PCDH15: variants seen among roughly 807,000 people sequenced by gnomAD.
PCDH15 encodes the protein protocadherin related 15, also known as protocadherin-15.
In PCDH15, 129 loss-of-function variants were observed where a neutral mutation model predicts 178.5. The observed-to-expected ratio is 0.72, with a 90% CI of 0.63 to 0.84. The LOEUF is 0.84. Among genes scored for constraint, PCDH15 ranks in the 40% least tolerant of loss-of-function variants. The probability of loss-of-function intolerance (pLI) is 0.00; values close to 1 mark genes in which losing one functional copy is unlikely to be tolerated. For synonymous variants in PCDH15, 800 were observed against 732.0 expected (o/e 1.09, Z -1.50); for missense variants, 2,230 against 2,099.9 (o/e 1.06, Z -1.21).
At chr10:53,817,198 T>C (rs1588904019) in intron 34 of PCDH15, among the ~76,000 whole-genome samples, 1 of 152,164 alleles carries the variant, frequency 6.6e-6, no homozygotes, top group East Asian at 1.9e-4. Context: ...AATTCTAAAC[T>C]ACAATCCAAT....
At chr10:54,144,973 T>C (rs1000798011) in intron 14 of PCDH15, among the ~76,000 whole-genome samples, 6 of 152,242 alleles carry the variant, frequency 3.9e-5, no homozygotes, top group Middle Eastern at 3.4e-3. Context: ...TGTGTGAATA[T>C]AAAACATTTT....
chr10:55,587,390 T>C (rs758202037), intron 2 of PCDH15, among the ~76,000 whole-genome samples: 3 of 149,658 alleles, frequency 2.0e-5, no homozygotes, highest in Non-Finnish European at 4.4e-5. Context: ...ATTTGCTGTG[T>C]TCAGTATTAT....
At chr10:54,382,124 T>C (rs1340452459) in intron 3 of PCDH15, among the ~76,000 whole-genome samples, 1 of 152,160 alleles carries the variant, frequency 6.6e-6, no homozygotes, top group East Asian at 1.9e-4. Flanking sequence ...TCTTGGCTGG[T>C]CAATCTTTTA....
At chr10:54,829,466 C>A (rs1241575168) in intron 3 of PCDH15, among the ~76,000 whole-genome samples, 1 of 151,920 alleles carries the variant, frequency 6.6e-6, no homozygotes, top group African/African-American at 2.4e-5. Context: ...AAGAAACCAC[C>A]CCTACAATAC....
chr10:54,450,731 T>A (rs377438162), intron 3 of PCDH15, among the ~76,000 whole-genome samples: 4 of 151,862 alleles, frequency 2.6e-5, no homozygotes, highest in African/African-American at 9.7e-5. Context: ...ATGACACCTA[T>A]GATATTTACT....
chr10:54,243,699 C>T (rs909485316), intron 8 of PCDH15, among the ~76,000 whole-genome samples: 1 of 152,174 alleles, frequency 6.6e-6, no homozygotes. Flanking sequence ...TATATGTTAC[C>T]TTTAGAGGCC....
chr10:55,438,226 A>C (rs1232776989), intron 2 of PCDH15, among the ~76,000 whole-genome samples: 1 of 121,628 alleles, frequency 8.2e-6, no homozygotes, highest in Admixed American at 8.2e-5. Context: ...CACACACACA[A>C]AATACCTACA....
At chr10:55,374,322 G>T (rs1305014676) in intron 2 of PCDH15, among the ~76,000 whole-genome samples, 1 of 152,054 alleles carries the variant, frequency 6.6e-6, no homozygotes, top group Admixed American at 6.6e-5. Flanking sequence ...TACTGGGAGA[G>T]GCCCTCTGGC....
chr10:55,542,068 C>T (rs896716398), intron 2 of PCDH15, among the ~76,000 whole-genome samples: 11 of 151,484 alleles, frequency 7.3e-5, no homozygotes, highest in African/African-American at 2.7e-4. Context: ...TGACATACCA[C>T]TTCCTACCAA....
At chr10:54,274,616 T>TTGTGTG (rs3069673) in intron 8 of PCDH15, among the ~76,000 whole-genome samples, 5,346 of 144,674 alleles carry the variant, frequency 0.037, 142 homozygotes, top group Non-Finnish European at 0.057. Context: ...CTCAGTTTAA[T>TTGTGTG]TGTGTGTGTG....
chr10:54,644,253 A>G (rs1649126514), intron 2 of PCDH15, among the ~76,000 whole-genome samples: 1 of 150,624 alleles, frequency 6.6e-6, no homozygotes, highest in Admixed American at 6.6e-5. Context: ...ATTTTTAAAA[A>G]TTAATGCCTT....
At chr10:54,562,654 C>G (rs573222993) in intron 2 of PCDH15, among the ~76,000 whole-genome samples, 4 of 152,166 alleles carry the variant, frequency 2.6e-5, no homozygotes, top group Non-Finnish European at 5.9e-5. Flanking sequence ...TACAAGTATA[C>G]ATAGCACATG....
chr10:55,407,765 G>A (rs1476047712), intron 2 of PCDH15, among the ~76,000 whole-genome samples: 5 of 152,170 alleles, frequency 3.3e-5, no homozygotes, highest in Non-Finnish European at 5.9e-5. Flanking sequence ...TCTTAGAAAG[G>A]AGAAGGCAAC....
At chr10:54,510,199 C>A (rs1026546200) in intron 3 of PCDH15, among the ~76,000 whole-genome samples, 1 of 152,128 alleles carries the variant, frequency 6.6e-6, no homozygotes, top group African/African-American at 2.4e-5. Context: ...TTATGCAGAG[C>A]CCTAAAGAAG....
chr10:54,207,085 A>G (rs970641964), intron 10 of PCDH15, among the ~76,000 whole-genome samples: 3 of 152,108 alleles, frequency 2.0e-5, no homozygotes, highest in Admixed American at 6.6e-5. Flanking sequence ...TGAGGAAGAA[A>G]AAAGGCCAAA....
intron 3 of PCDH15, among the ~76,000 whole-genome samples, chr10:54,861,639 CA>C (rs1193333934): frequency 2.6e-5 from 4 of 152,148 alleles, no homozygotes; most frequent in Non-Finnish European, 5.9e-5. Context: ...AACTGAACAA[CA>C]CAAAGATTCC....
intron 1 of PCDH15, among the ~76,000 whole-genome samples, chr10:55,238,540 T>C (rs1464761109): frequency 6.6e-6 from 1 of 152,174 alleles, no homozygotes; most frequent in Non-Finnish European, 1.5e-5. Flanking sequence ...GAATAAAATA[T>C]ATGGTTTAAT....
At chr10:55,162,025 A>C (rs1839081502) in intron 2 of PCDH15, among the ~76,000 whole-genome samples, 1 of 152,184 alleles carries the variant, frequency 6.6e-6, no homozygotes, top group African/African-American at 2.4e-5. Flanking sequence ...GCTATAAACA[A>C]GTTAGGTGGT....
intron 1 of PCDH15, among the ~76,000 whole-genome samples, chr10:55,197,447 A>G (rs7091255): frequency 0.48 from 72,296 of 151,840 alleles, 17,594 homozygotes; most frequent in East Asian, 0.68. Context: ...TAATTCCACT[A>G]TAAGTTTCAG....
Sources: gnomAD v4.1 joint callset for allele counts (sites outside exome capture counted in the v4.1 genomes callset) on GRCh38, gnomAD v4.1.1 for gene constraint, MANE v1.5 for transcripts, NCBI Gene and HGNC (gene_info 2026-07-23, HGNC 2026-07-21) for gene names.